Variants in THSD4 observed in about 807,000 individuals in gnomAD.
THSD4 encodes thrombospondin type-1 domain-containing protein 4.
In THSD4, 69 loss-of-function variants were observed where a neutral mutation model predicts 119.0. The ratio of observed to expected loss-of-function variants is 0.58; its 90% CI spans 0.48 to 0.71. THSD4 has a LOEUF of 0.71. Ranked by LOEUF, THSD4 falls within the 30% of genes least tolerant of loss-of-function variation. THSD4 has a pLI of 0.00. For synonymous variants in THSD4, 524 were observed against 540.4 expected (o/e 0.97, Z 0.42); for missense variants, 1,393 against 1,391.1 (o/e 1.00, Z -0.02).
At chr15:71,330,243 C>T (rs1234228870) in intron 6 of THSD4, among the ~76,000 whole-genome samples, 3 of 152,082 alleles carry the variant, frequency 2.0e-5, no homozygotes, top group Admixed American at 6.5e-5. Flanking sequence ...AATCTGAGCT[C>T]CCCCACTTCC....
chr15:71,315,748 A>T (rs2045178531), intron 6 of THSD4, among the ~76,000 whole-genome samples: 2 of 152,222 alleles, frequency 1.3e-5, no homozygotes, highest in Admixed American at 6.5e-5. Flanking sequence ...TCCCTTGTTC[A>T]AAGTTGTATC....
intron 7 of THSD4, 122 bp from the exon 8 acceptor site, chr15:71,660,408 C>G: frequency 1.6e-6 from 2 of 1,215,826 alleles, no homozygotes; most frequent in Non-Finnish European, 2.4e-6. Flanking sequence ...CCACCCCACT[C>G]CTAGAATATA....
chr15:71,464,622 A>G (rs1218788353), intron 7 of THSD4, among the ~76,000 whole-genome samples: 1 of 152,186 alleles, frequency 6.6e-6, no homozygotes, highest in African/African-American at 2.4e-5. Flanking sequence ...TACCTGCAAC[A>G]CACTCATTGT....
At chr15:71,483,047 TAAG>T (rs2047758074) in intron 7 of THSD4, among the ~76,000 whole-genome samples, 2 of 151,894 alleles carry the variant, frequency 1.3e-5, no homozygotes, top group South Asian at 2.1e-4. Flanking sequence ...ACAAAAAAAA[TAAG>T]GAGGTTGAGA....
At chr15:71,526,336 C>G (rs1185909664) in intron 7 of THSD4, among the ~76,000 whole-genome samples, 1 of 152,156 alleles carries the variant, frequency 6.6e-6, no homozygotes, top group Non-Finnish European at 1.5e-5. Context: ...TAAATATTTC[C>G]TCTCTTAAAT....
chr15:71,376,226 C>T (rs2046134935), intron 6 of THSD4, among the ~76,000 whole-genome samples: 2 of 151,744 alleles, frequency 1.3e-5, no homozygotes, highest in South Asian at 4.2e-4. Flanking sequence ...GGAGCCAATC[C>T]TGAATGTATG....
intron 6 of THSD4, among the ~76,000 whole-genome samples, chr15:71,383,858 C>T (rs901097523): frequency 6.6e-6 from 1 of 152,122 alleles, no homozygotes. Context: ...TTCAAGTATA[C>T]AAGAGGATGT....
At position 71,377,881 on chromosome 15, in the gene THSD4, C is replaced by CACACACACACACACACACACACACACAA. The variant is rs1555407774; in HGVS notation, c.1016-33779_1016-33778insAACACACACACACACACACACACACACA. Among the ~76,000 whole-genome samples, 183 of 79,778 alleles carry CACACACACACACACACACACACACACAA rather than the reference C, an allele frequency of 2.3e-3. 3 individuals are homozygous for CACACACACACACACACACACACACACAA. The highest frequency in any genetic ancestry group is 0.016 in the South Asian group (38 of 2,344). The allele number at this position is 79,778 out of a possible 152,430, so 52.3% of individuals were successfully genotyped here. A position where few individuals can be genotyped will look rare whatever the true frequency, so the allele number is the denominator to read the frequency against. On this transcript the variant is annotated intron_variant, in intron 6 of 17. Coordinates refer to ENST00000261862, the MANE Select transcript of THSD4 (RefSeq NM_024817.3). Reference sequence around the variant, plus strand: ...GACATATCCACAACACACACACACACACACACACACACACACACACACACA... The same window carrying CACACACACACACACACACACACACACAA: ...GACATATCCACAACACACACACACACACACACACACACACACACACACACACAAACACACACACACACACACACACACA...
intron 7 of THSD4, among the ~76,000 whole-genome samples, chr15:71,597,654 C>T (rs1256881003): frequency 6.6e-6 from 1 of 152,234 alleles, no homozygotes; most frequent in Non-Finnish European, 1.5e-5. Flanking sequence ...CCACCTAGTT[C>T]TGATGACTTA....
chr15:71,362,544 T>G lies in THSD4; in HGVS notation c.1016-49143T>G, dbSNP rs144322246. Among the ~76,000 whole-genome samples the G allele has an allele frequency of 3.3e-5, 5 of 152,272 alleles. No homozygotes were observed. The East Asian group carries it at 7.7e-4, about 24-fold the overall frequency. The stretch of plus-strand genomic sequence containing the variant: ...AGCCTCATCTTCCTAGATTAAAGAC[T>G]GTGAAAATAAAATTGGAAGCAAATA... On this transcript the variant is annotated intron_variant, in intron 6 of 17. Coordinates refer to ENST00000261862, the MANE Select transcript of THSD4 (RefSeq NM_024817.3).
chr15:71,732,251 ACTATATG>A (rs2141136852), intron 10 of THSD4: 1 of 152,332 alleles, frequency 6.6e-6, no homozygotes, highest in African/African-American at 2.4e-5. Context: ...TTATCTGTCT[ACTATATG>A]CCTTTTCTCT....
chr15:71,410,308 A>G (rs1394510719), intron 6 of THSD4, among the ~76,000 whole-genome samples: 2 of 152,210 alleles, frequency 1.3e-5, no homozygotes, highest in African/African-American at 4.8e-5. Flanking sequence ...CCACACTGCA[A>G]TACAGCATGG....
At chr15:71,662,465 T>C (rs1172930372) in intron 8 of THSD4, among the ~76,000 whole-genome samples, 1 of 152,212 alleles carries the variant, frequency 6.6e-6, no homozygotes, top group Non-Finnish European at 1.5e-5. Context: ...TGCTATGAGA[T>C]CACATCTCCA....
At chr15:71,592,634 A>T (rs541441185) in intron 7 of THSD4, among the ~76,000 whole-genome samples, 10 of 152,000 alleles carry the variant, frequency 6.6e-5, no homozygotes, top group Admixed American at 5.9e-4. Flanking sequence ...TCACTTTTAT[A>T]GATAGGTCTG....
chr15:71,611,501 C>G (rs998619916), intron 7 of THSD4, among the ~76,000 whole-genome samples: 2 of 152,238 alleles, frequency 1.3e-5, no homozygotes, highest in African/African-American at 4.8e-5. Context: ...CGCTACAGTG[C>G]TTCTCTCTTT....
At chr15:71,468,762 A>G (rs951895527) in intron 7 of THSD4, among the ~76,000 whole-genome samples, 7 of 152,158 alleles carry the variant, frequency 4.6e-5, no homozygotes, top group Admixed American at 1.3e-4. Flanking sequence ...CTTAGCTTCT[A>G]TTTTTAAGAT....
chr15:71,384,374 C>T (rs1444780602), intron 6 of THSD4, among the ~76,000 whole-genome samples: 2 of 151,776 alleles, frequency 1.3e-5, no homozygotes, highest in African/African-American at 4.8e-5. Flanking sequence ...CAGAGCAAGA[C>T]TCCGTCTCAA....
intron 11 of THSD4, among the ~76,000 whole-genome samples, chr15:71,744,410 A>G (rs2053295769): frequency 6.6e-6 from 1 of 152,190 alleles, no homozygotes; most frequent in Admixed American, 6.5e-5. Context: ...TCTCATGGGA[A>G]GTAGACAAAT....
At chr15:71,675,930 C>T (rs2051637616) in intron 8 of THSD4, among the ~76,000 whole-genome samples, 1 of 152,204 alleles carries the variant, frequency 6.6e-6, no homozygotes, top group South Asian at 2.1e-4. Flanking sequence ...TCCTTGCAGC[C>T]ATCTTGCACC....
Sources: allele counts gnomAD v4.1 joint callset (sites outside exome capture counted in the v4.1 genomes callset), GRCh38; gene constraint gnomAD v4.1.1; transcripts MANE v1.5; gene names NCBI Gene and HGNC (gene_info 2026-07-23, HGNC 2026-07-21).